The following CREB5 variants were observed in gnomAD, a reference collection of about 807,000 sequenced individuals.
CREB5 encodes the protein cAMP responsive element binding protein 5.
CREB5 carries 19 observed loss-of-function variants against 57.1 expected under a neutral mutation model. The observed-to-expected ratio is 0.33, with a 90% CI of 0.23 to 0.49. CREB5 has a LOEUF of 0.49. CREB5 is among the 20% of genes least tolerant of loss of function. The pLI, the probability that CREB5 is intolerant of heterozygous loss-of-function variation, is 0.99. For synonymous variants in CREB5, 238 were observed against 238.3 expected, an observed-to-expected ratio of 1.00 and a Z score of 0.01; for missense variants, 579 against 671.6, an observed-to-expected ratio of 0.86 and a Z score of 1.52.
At chr7:28,320,398 G>A (rs1785476121) in intron 1 of CREB5, among the ~76,000 whole-genome samples, 2 of 152,262 alleles carry the variant, frequency 1.3e-5, no homozygotes, top group South Asian at 4.1e-4. Context: ...AAAGCTGGTG[G>A]CTGCAGGGAT....
At position 28,488,165 on chromosome 7, in the gene CREB5, G is replaced by C; in HGVS notation, c.4-10G>C. On this transcript the variant is annotated splice_polypyrimidine_tract_variant and intron_variant, in intron 1 of 10. Transcript: ENST00000357727. ...CTTTTTCCTTCCTCCCTTTCCCTCT[G>C]ATCCTTCAGATTTATGAGGAATCCA... 2.5e-6 allele frequency: 4 copies of C among 1,613,298 alleles called. No individual in the cohort carries two copies. Among genetic ancestry groups the C allele is most frequent in the Non-Finnish European group, 3.4e-6 (4 of 1,179,474 alleles).
intron 5 of CREB5, among the ~76,000 whole-genome samples, chr7:28,675,288 C>T (rs1215754200): frequency 5.3e-5 from 8 of 152,180 alleles, no homozygotes; most frequent in Non-Finnish European, 1.0e-4. Flanking sequence ...TGAGGTCTGG[C>T]ATCTCGTTTG....
intron 7 of CREB5, among the ~76,000 whole-genome samples, chr7:28,783,067 CA>C (rs1807082782): frequency 1.3e-5 from 2 of 152,170 alleles, no homozygotes; most frequent in African/African-American, 4.8e-5. Context: ...TGATGTGAAA[CA>C]GTGAAGAGGT....
intron 1 of CREB5, among the ~76,000 whole-genome samples, chr7:28,483,905 T>C (rs930710326): frequency 2.6e-5 from 4 of 152,208 alleles, no homozygotes; most frequent in Non-Finnish European, 2.9e-5. Flanking sequence ...CCAAAACTAC[T>C]TACCTCACCA....
At chr7:28,302,293 C>A (rs958105878) in intron 1 of CREB5, among the ~76,000 whole-genome samples, 1 of 152,074 alleles carries the variant, frequency 6.6e-6, no homozygotes, top group African/African-American at 2.4e-5. Flanking sequence ...AGAAGACATA[C>A]CCATGTCAAA....
intron 5 of CREB5, among the ~76,000 whole-genome samples, chr7:28,595,795 C>G (rs1796673562): frequency 1.3e-5 from 2 of 152,130 alleles, no homozygotes; most frequent in African/African-American, 4.8e-5. Context: ...ACCCATTTTG[C>G]ACACCATCAA....
At chr7:28,777,188 A>C (rs1806709494) in intron 7 of CREB5, among the ~76,000 whole-genome samples, 1 of 152,232 alleles carries the variant, frequency 6.6e-6, no homozygotes, top group African/African-American at 2.4e-5. Flanking sequence ...CACCCCAAAG[A>C]CATTTCTAGC....
chr7:28,494,622 T>C (rs1381388391), intron 2 of CREB5, among the ~76,000 whole-genome samples: 1 of 152,204 alleles, frequency 6.6e-6, no homozygotes, highest in African/African-American at 2.4e-5. Flanking sequence ...TCAGCCAGAT[T>C]TTTCTGCAAT....
intron 1 of CREB5, chr7:28,435,626 G>A: frequency 2.0e-6 from 2 of 985,210 alleles, no homozygotes; most frequent in Non-Finnish European, 2.4e-6. Context: ...TTTAGTGGTG[G>A]AGTCAATTTA....
At chr7:28,389,243 T>C (rs1787165750) in intron 1 of CREB5, among the ~76,000 whole-genome samples, 1 of 152,224 alleles carries the variant, frequency 6.6e-6, no homozygotes, top group South Asian at 2.1e-4. Context: ...ATCTGAGTAA[T>C]GCTGTATAAT....
intron 1 of CREB5, among the ~76,000 whole-genome samples, chr7:28,337,829 A>C (rs10274285): frequency 6.6e-6 from 1 of 151,962 alleles, no homozygotes; most frequent in African/African-American, 2.4e-5. Context: ...CACTGGTGAT[A>C]TGTTTCCATT....
At chr7:28,468,057 T>A (rs914976598) in intron 1 of CREB5, among the ~76,000 whole-genome samples, 3 of 152,080 alleles carry the variant, frequency 2.0e-5, no homozygotes, top group African/African-American at 7.2e-5. Context: ...ACAGTGTGAG[T>A]TGGTGCCCAG....
intron 1 of CREB5, among the ~76,000 whole-genome samples, chr7:28,461,292 A>G (rs563464669): frequency 6.6e-6 from 1 of 152,274 alleles, no homozygotes; most frequent in South Asian, 2.1e-4. Context: ...AGAGACAAGA[A>G]TGAAGACCTA....
At chr7:28,538,383 C>T (rs991136255) in intron 4 of CREB5, among the ~76,000 whole-genome samples, 1 of 150,500 alleles carries the variant, frequency 6.6e-6, no homozygotes, top group African/African-American at 2.4e-5. Flanking sequence ...GACACATGGA[C>T]TCTGTCTTGT....
intron 5 of CREB5, among the ~76,000 whole-genome samples, chr7:28,610,132 G>A (rs1056007636): frequency 6.6e-6 from 1 of 152,052 alleles, no homozygotes; most frequent in Non-Finnish European, 1.5e-5. Context: ...TGTCCTTCTG[G>A]GCCCTGGGGT....
Position 28,810,391 on chromosome 7 carries a change from G to A in CREB5, c.1254+977G>A, listed in dbSNP as rs77281771. On this transcript the variant is annotated intron_variant, in intron 9 of 10. Transcript: ENST00000357727. ...TACATAGTGAGACTGCATTTTAAGAGTTCATGGGGTCCGGGCGCAGTGGCC... is the reference window on the plus strand; with the variant it reads ...TACATAGTGAGACTGCATTTTAAGAATTCATGGGGTCCGGGCGCAGTGGCC... Among the ~76,000 whole-genome samples the A allele has an allele frequency of 4.3e-4, 65 of 152,186 alleles. No individual in the cohort carries two copies. In the East Asian group the frequency reaches 0.011, roughly 27 times the overall value.
At chr7:28,657,418 C>G (rs986743975) in intron 5 of CREB5, among the ~76,000 whole-genome samples, 1 of 152,088 alleles carries the variant, frequency 6.6e-6, no homozygotes, top group Non-Finnish European at 1.5e-5. Context: ...CCACCATATC[C>G]CCTTGGCCTA....
intron 5 of CREB5, among the ~76,000 whole-genome samples, chr7:28,646,662 C>T (rs933685229): frequency 1.3e-5 from 2 of 151,944 alleles, no homozygotes; most frequent in African/African-American, 2.4e-5. Context: ...AGAAAGAAAT[C>T]GTCCAGAAAG....
intron 5 of CREB5, chr7:28,686,150 C>T: frequency 6.2e-7 from 1 of 1,613,910 alleles, no homozygotes; most frequent in Non-Finnish European, 8.5e-7. Context: ...CCAGAGCTCT[C>T]ATGTTCTGCA....
Sources: gnomAD v4.1 joint callset for allele counts (sites outside exome capture counted in the v4.1 genomes callset) on GRCh38, gnomAD v4.1.1 for gene constraint, MANE v1.5 for transcripts, NCBI Gene and HGNC (gene_info 2026-07-23, HGNC 2026-07-21) for gene names.